Variants in PRKG1 observed in about 807,000 individuals in gnomAD.
PRKG1 encodes the protein protein kinase cGMP-dependent 1.
Under a neutral mutation model 88.1 loss-of-function variants are expected in PRKG1, and 35 were observed. The observed-to-expected ratio is 0.40, with a 90% CI of 0.30 to 0.53. The LOEUF (loss-of-function observed/expected upper bound fraction) is 0.53. Ranked by LOEUF, PRKG1 falls within the 20% of genes least tolerant of loss-of-function variation. The pLI, the probability that PRKG1 is intolerant of heterozygous loss-of-function variation, is 0.59. For synonymous variants in PRKG1, 303 were observed against 292.5 expected (o/e 1.04, Z -0.37); for missense variants, 540 against 839.8 (o/e 0.64, Z 4.41).
At chr10:51,871,385 C>T (rs571435147) in intron 4 of PRKG1, among the ~76,000 whole-genome samples, 1 of 152,254 alleles carries the variant, frequency 6.6e-6, no homozygotes, top group East Asian at 1.9e-4. Context: ...TTCTTGCTTC[C>T]CCCATCTCTA....
upstream of PRKG1, among the ~76,000 whole-genome samples, chr10:51,069,737 A>T (rs1180092542): frequency 6.6e-6 from 1 of 152,144 alleles, no homozygotes; most frequent in African/African-American, 2.4e-5. Flanking sequence ...TGTGGAAAGC[A>T]AAATTTGAAA....
intron 10 of PRKG1, among the ~76,000 whole-genome samples, chr10:52,267,352 T>G (rs1373023181): frequency 6.6e-6 from 1 of 152,006 alleles, no homozygotes; most frequent in Non-Finnish European, 1.5e-5. Context: ...CTCAATATCT[T>G]TGCATTCATG....
chr10:51,681,537 A>T (rs1012620018), intron 3 of PRKG1, among the ~76,000 whole-genome samples: 2 of 152,094 alleles, frequency 1.3e-5, no homozygotes, highest in Non-Finnish European at 2.9e-5. Flanking sequence ...CCTTAAAAAA[A>T]CCCCTCAGAT....
chr10:51,380,866 T>G (rs1423246943), intron 2 of PRKG1, among the ~76,000 whole-genome samples: 4 of 152,082 alleles, frequency 2.6e-5, no homozygotes, highest in African/African-American at 9.7e-5. Flanking sequence ...TGTAACCCCA[T>G]AGTACTCGAC....
rs1841729174 is a variant in PRKG1 at position 52,271,496 on chromosome 10, G to C, written c.1313+7G>C. 1.9e-6 allele frequency: 3 copies of C among 1,610,752 alleles called. No homozygotes were observed. Among genetic ancestry groups the C allele is most frequent in the African/African-American group, 2.7e-5 (2 of 74,762 alleles). ...ATTCCGATTTCATAGTGAGGTAAAGGCTCCATGCCAGGGACAGACGTACCC... is the reference window on the plus strand; with the variant it reads ...ATTCCGATTTCATAGTGAGGTAAAGCCTCCATGCCAGGGACAGACGTACCC... On this transcript the variant is annotated splice_region_variant and intron_variant, in intron 11 of 17. Coordinates refer to ENST00000373980, the MANE Select transcript of PRKG1 (RefSeq NM_006258.4).
chr10:51,766,129 AAGGGTGAGGTTAC>A (rs558807102), intron 3 of PRKG1, among the ~76,000 whole-genome samples: 138 of 152,240 alleles, frequency 9.1e-4, no homozygotes, highest in African/African-American at 3.2e-3. Flanking sequence ...CTCAGACACC[AAGGGTGAGGTTAC>A]AGCAAAAGTT....
intron 9 of PRKG1, among the ~76,000 whole-genome samples, chr10:52,244,967 T>C (rs2132387549): frequency 6.9e-6 from 1 of 145,116 alleles, no homozygotes; most frequent in Admixed American, 7.0e-5. Context: ...TTTAAAAATA[T>C]TAAAAATATT....
At chr10:51,278,975 G>A (rs930359186) in intron 2 of PRKG1, among the ~76,000 whole-genome samples, 1 of 152,000 alleles carries the variant, frequency 6.6e-6, no homozygotes, top group Non-Finnish European at 1.5e-5. Context: ...TCTGATCTTA[G>A]TTATTTCTTG....
rs79868731 is a variant in PRKG1 at position 51,993,026 on chromosome 10, G to C, written c.763-61458G>C. 6.4e-3 allele frequency among the ~76,000 whole-genome samples: 970 copies of C among 152,100 alleles called. 15 individuals carry two copies. Among genetic ancestry groups the C allele is most frequent in the African/African-American group, 0.022 (918 of 41,494 alleles). On this transcript the variant is annotated intron_variant, in intron 5 of 17. Transcript: ENST00000373980. Reference sequence around the variant, plus strand: ...ACGGAAGGAGAGAATCAAATTGAAGGCATTCTTTATAGTTGCCATCTGAAT... The same window carrying C: ...ACGGAAGGAGAGAATCAAATTGAAGCCATTCTTTATAGTTGCCATCTGAAT...
At chr10:52,197,164 G>A (rs773586974) in intron 9 of PRKG1, among the ~76,000 whole-genome samples, 5 of 151,780 alleles carry the variant, frequency 3.3e-5, no homozygotes, top group East Asian at 3.9e-4. Flanking sequence ...GTATTTCCTC[G>A]TAAAGTTAAG....
chr10:51,570,412 C>T (rs190694040), intron 3 of PRKG1, among the ~76,000 whole-genome samples: 8 of 151,966 alleles, frequency 5.3e-5, no homozygotes, highest in Admixed American at 2.6e-4. Context: ...AGTATATTTA[C>T]TGTTCATTAA....
At chr10:51,305,051 A>T (rs1439107706) in intron 2 of PRKG1, among the ~76,000 whole-genome samples, 1 of 152,144 alleles carries the variant, frequency 6.6e-6, no homozygotes, top group African/African-American at 2.4e-5. Flanking sequence ...TCAACTGGTA[A>T]CTTGTCAGTT....
At chr10:51,897,808 G>A (rs1841888221) in intron 4 of PRKG1, among the ~76,000 whole-genome samples, 1 of 151,910 alleles carries the variant, frequency 6.6e-6, no homozygotes, top group East Asian at 1.9e-4. Context: ...CTCTCATCTG[G>A]TCTACCAGCA....
intron 4 of PRKG1, among the ~76,000 whole-genome samples, chr10:51,871,096 A>T (rs922557753): frequency 6.6e-6 from 1 of 152,140 alleles, no homozygotes; most frequent in Non-Finnish European, 1.5e-5. Flanking sequence ...AGTACTTCTT[A>T]ATTAACACCA....
At chr10:51,913,221 G>A (rs4382851) in intron 5 of PRKG1, among the ~76,000 whole-genome samples, 2 of 152,120 alleles carry the variant, frequency 1.3e-5, no homozygotes, top group African/African-American at 4.8e-5. Context: ...GAGCCACGGC[G>A]CCCACCCAAT....
intron 7 of PRKG1, among the ~76,000 whole-genome samples, chr10:52,091,187 A>G (rs74135138): frequency 0.011 from 1,650 of 152,306 alleles, 33 homozygotes; most frequent in African/African-American, 0.037. Context: ...GCAGAATTTA[A>G]TTCCTTGAAG....
intron 2 of PRKG1, among the ~76,000 whole-genome samples, chr10:51,275,712 G>A (rs867681856): frequency 2.0e-5 from 3 of 152,246 alleles, no homozygotes; most frequent in Middle Eastern, 6.8e-3. Context: ...TACAATCTTA[G>A]AGAAGTAAAC....
At chr10:51,892,807 G>A (rs1043933826) in intron 4 of PRKG1, among the ~76,000 whole-genome samples, 18 of 152,166 alleles carry the variant, frequency 1.2e-4, no homozygotes, top group African/African-American at 4.3e-4. Context: ...GAGAAACACT[G>A]TTGAAGAACA....
chr10:51,794,782 TAGAA>T (rs1338089022), intron 3 of PRKG1, among the ~76,000 whole-genome samples: 1 of 151,692 alleles, frequency 6.6e-6, no homozygotes, highest in African/African-American at 2.4e-5. Flanking sequence ...TAAAAAAAAA[TAGAA>T]AGTAAAACAA....
Sources: allele counts gnomAD v4.1 joint callset (sites outside exome capture counted in the v4.1 genomes callset), GRCh38; gene constraint gnomAD v4.1.1; transcripts MANE v1.5; gene names NCBI Gene and HGNC (gene_info 2026-07-23, HGNC 2026-07-21).